FNTB: variants seen among roughly 807,000 people sequenced by gnomAD.
FNTB encodes protein farnesyltransferase subunit beta.
Under a neutral mutation model 59.4 loss-of-function variants are expected in FNTB, and 27 were observed. The observed-to-expected ratio is 0.45, with a 90% CI of 0.34 to 0.63. The LOEUF is 0.63. FNTB is among the 20% of genes least tolerant of loss of function. The pLI, the probability that FNTB is intolerant of heterozygous loss-of-function variation, is 0.02. For synonymous variants in FNTB, 230 were observed against 220.7 expected (o/e 1.04, Z -0.37); for missense variants, 449 against 559.6 (o/e 0.80, Z 1.99).
chr14:65,049,361 A>AT (rs905926101), intron 9 of FNTB, among the ~76,000 whole-genome samples: 21 of 152,198 alleles, frequency 1.4e-4, no homozygotes, highest in Admixed American at 1.1e-3. Flanking sequence ...AAGACTTTTG[A>AT]TTTTTTTAGA....
At chr14:65,015,165 C>T (rs1363695980) in intron 3 of FNTB, among the ~76,000 whole-genome samples, 2 of 150,910 alleles carry the variant, frequency 1.3e-5, no homozygotes, top group African/African-American at 2.4e-5. Context: ...TGCAGTGGTG[C>T]CATCTCGGCT....
At position 65,061,219 on chromosome 14, in the gene FNTB, G is replaced by C; in HGVS notation, c.1221G>C (p.Lys407Asn). The change falls in exon 12 of 12, where the codon AAG (lysine) becomes AAC (asparagine). Residue 407 changes from lysine (K) to asparagine (N), a missense_variant. Physicochemically the swap from Lys to Asn is moderately conservative, Grantham distance 94. Coordinates refer to ENST00000246166, the MANE Select transcript of FNTB (RefSeq NM_002028.4). ...THPVYNIGPDKVIQATTYFLQ... is the reference protein window; with the variant it reads ...THPVYNIGPDNVIQATTYFLQ... ...CAGTGTACAACATTGGACCAGACAA[G>C]GTGATCCAGGCCACTACATACTTTC... The C allele has an allele frequency of 6.2e-7, 1 of 1,614,150 alleles. No homozygotes were observed. The highest frequency in any genetic ancestry group is 8.5e-7 in the Non-Finnish European group (1 of 1,180,018).
intron 9 of FNTB, among the ~76,000 whole-genome samples, chr14:65,046,514 GC>G (rs2062482184): frequency 6.6e-6 from 1 of 152,220 alleles, no homozygotes; most frequent in Non-Finnish European, 1.5e-5. Flanking sequence ...GTTCTAGGGG[GC>G]TTAGTGGCAT....
chr14:65,021,559 G>A (rs1429139090), intron 4 of FNTB, among the ~76,000 whole-genome samples: 2 of 152,152 alleles, frequency 1.3e-5, no homozygotes, highest in African/African-American at 4.8e-5. Context: ...GGTCAGAGGT[G>A]CTGCTAAATA....
intron 4 of FNTB, chr14:65,021,929 A>G: frequency 2.2e-6 from 1 of 456,044 alleles, no homozygotes; most frequent in Non-Finnish European, 4.4e-6. Context: ...TATAGGCGTG[A>G]GCCACTGCGC....
At chr14:65,053,625 T>TAAAAAAAAAAAAAAAA (rs201558638) in intron 10 of FNTB, among the ~76,000 whole-genome samples, 1 of 146,302 alleles carries the variant, frequency 6.8e-6, no homozygotes, top group African/African-American at 2.7e-5. Context: ...CTTCTTTTTT[T>TAAAAAAAAAAAAAAAA]TAAAAAAAAC....
chr14:64,999,764 G>A (rs945051843), intron 1 of FNTB, among the ~76,000 whole-genome samples: 3 of 152,164 alleles, frequency 2.0e-5, no homozygotes, highest in African/African-American at 7.2e-5. Context: ...ATGAACAGCT[G>A]ACCTGTAATA....
At chr14:64,999,030 C>T (rs1465992014) in intron 1 of FNTB, among the ~76,000 whole-genome samples, 1 of 152,150 alleles carries the variant, frequency 6.6e-6, no homozygotes, top group African/African-American at 2.4e-5. Context: ...CATGCTACAG[C>T]ATAGATGAGC....
In FNTB at chr14:65,043,964, T is replaced by G. The variant is rs534138687; in HGVS notation, c.823-347T>G. ...GTAGTCTTGCCTTCAATTTCCAACT[T>G]AAGCCATGTTTATTAAGAGACTTTG... On this transcript the variant is annotated intron_variant, in intron 8 of 11. Transcript: ENST00000246166. Among the ~76,000 whole-genome samples the G allele has an allele frequency of 3.3e-5, 5 of 152,034 alleles. No individual in the cohort carries two copies. In the East Asian group the frequency reaches 9.7e-4, roughly 29 times the overall value.
In FNTB at chr14:65,009,392, T is replaced by A. The variant is rs2061650552; in HGVS notation, c.210-2925T>A. ...ATCCTTTTATTCGTCTCATGTAGAT[T>A]CCCTAACACACCCACCACCGTGGCC... On this transcript the variant is annotated intron_variant, in intron 2 of 11. Coordinates refer to ENST00000246166, the MANE Select transcript of FNTB (RefSeq NM_002028.4). This position sits in a 1 kb window ranked among gnomAD's most constrained non-coding sequence, Gnocchi z 4.2. Among the ~76,000 whole-genome samples, 5 of 152,094 alleles carry A rather than the reference T, an allele frequency of 3.3e-5. No homozygotes were observed. The highest frequency in any genetic ancestry group is 3.3e-4 in the Admixed American group (5 of 15,258).
At chr14:64,988,376 G>C (rs981982858) in intron 1 of FNTB, among the ~76,000 whole-genome samples, 1 of 151,148 alleles carries the variant, frequency 6.6e-6, no homozygotes, top group Non-Finnish European at 1.5e-5. Flanking sequence ...ATTCCTAAAT[G>C]ATGGATTGCT....
In FNTB at chr14:65,012,028, G is replaced by A. The variant is rs1267052801; in HGVS notation, c.210-289G>A. 1.5e-5 allele frequency: 5 copies of A among 338,464 alleles called. No individual in the cohort carries two copies. Among genetic ancestry groups the A allele is most frequent in the Non-Finnish European group, 2.3e-5 (4 of 174,682 alleles). The allele number at this position is 338,464 out of a possible 1,614,324, so 21.0% of individuals were successfully genotyped here. A position where few individuals can be genotyped will look rare whatever the true frequency, so the allele number is the denominator to read the frequency against. ...GGACTGTCATTGCCTGGCTGCGTGT[G>A]CTCATTGCGGCTTTTCCGTTAGCCC... is the stretch of plus-strand genomic sequence containing the variant. On this transcript the variant is annotated intron_variant, in intron 2 of 11. Coordinates refer to ENST00000246166, the MANE Select transcript of FNTB (RefSeq NM_002028.4). The surrounding 1 kb of genome is among the most constrained non-coding windows in gnomAD (Gnocchi z 5.0).
chr14:64,991,574 A>C lies in FNTB; in HGVS notation c.144+4477A>C, dbSNP rs1010190487. ...AGCCGAGATTGCACCATTGCACTCA[A>C]GCCTGGGTGACAGAGCAAGACTCCA... On this transcript the variant is annotated intron_variant, in intron 1 of 11. Coordinates refer to ENST00000246166, the MANE Select transcript of FNTB (RefSeq NM_002028.4). This position sits in a 1 kb window ranked among gnomAD's most constrained non-coding sequence, Gnocchi z 4.4. 1.4e-4 allele frequency among the ~76,000 whole-genome samples: 22 copies of C among 152,198 alleles called. No individual in the cohort carries two copies. The highest frequency in any genetic ancestry group is 3.3e-4 in the Admixed American group (5 of 15,282).
In FNTB at chr14:64,990,399, C is replaced by T. The variant is rs78034319; in HGVS notation, c.144+3302C>T. Among the ~76,000 whole-genome samples, 438 of 152,068 alleles carry T rather than the reference C, an allele frequency of 2.9e-3. 4 individuals are homozygous for T. Among genetic ancestry groups the T allele is most frequent in the Non-Finnish European group, 4.6e-3 (310 of 67,972 alleles). On this transcript the variant is annotated intron_variant, in intron 1 of 11. Coordinates refer to ENST00000246166, the MANE Select transcript of FNTB (RefSeq NM_002028.4). The surrounding 1 kb of genome is among the most constrained non-coding windows in gnomAD (Gnocchi z 5.2). Reference sequence around the variant, plus strand: ...GAAGAATGAGACCACTGTATTTCTTCCCTCCTGCAGGCTTGTGTGGGGTGG... The same window carrying T: ...GAAGAATGAGACCACTGTATTTCTTTCCTCCTGCAGGCTTGTGTGGGGTGG...
At chr14:65,015,496 T>G in intron 3 of FNTB, 129 bp from the exon 4 acceptor site, 6 of 617,408 alleles carry the variant, frequency 9.7e-6, no homozygotes, top group Admixed American at 3.0e-5. Flanking sequence ...TATTCACTGA[T>G]TGTTGTTTGA....
intron 11 of FNTB, among the ~76,000 whole-genome samples, chr14:65,055,172 T>C (rs1286855729): frequency 6.6e-6 from 1 of 150,886 alleles, no homozygotes; most frequent in Non-Finnish European, 1.5e-5. Context: ...AGTACTTTAC[T>C]CAGTTGGTGG....
chr14:65,055,982 C>A (rs1286754604), intron 11 of FNTB, among the ~76,000 whole-genome samples: 1 of 152,104 alleles, frequency 6.6e-6, no homozygotes, highest in Non-Finnish European at 1.5e-5. Flanking sequence ...TAGCCCTCTT[C>A]CAGTTTTTTT....
At chr14:65,043,695 G>A (rs11158571) in intron 8 of FNTB, among the ~76,000 whole-genome samples, 76 of 151,300 alleles carry the variant, frequency 5.0e-4, no homozygotes, top group Non-Finnish European at 7.8e-4. Flanking sequence ...GGTGGCGGGC[G>A]CCTGTGGTCC....
chr14:65,032,469 G>A lies in FNTB; in HGVS notation c.606-141G>A, dbSNP rs1234862236. The A allele has an allele frequency of 5.4e-5, 41 of 756,278 alleles. No individual in the cohort carries two copies. In the Middle Eastern group the frequency reaches 1.1e-3, roughly 20 times the overall value. The allele number at this position is 756,278 out of a possible 1,614,324, so 46.8% of individuals were successfully genotyped here. A position where few individuals can be genotyped will look rare whatever the true frequency, so the allele number is the denominator to read the frequency against. ...TCACACCTCTCAGTTGGAGACCCAGGAGGACTGACCGTGTGCCAAGAGTGA... is the reference window on the plus strand; with the variant it reads ...TCACACCTCTCAGTTGGAGACCCAGAAGGACTGACCGTGTGCCAAGAGTGA... On this transcript the variant is annotated intron_variant, in intron 6 of 11. Transcript: ENST00000246166. The surrounding 1 kb of genome is among the most constrained non-coding windows in gnomAD (Gnocchi z 5.0).
Sources: gnomAD v4.1 joint callset for allele counts (sites outside exome capture counted in the v4.1 genomes callset) on GRCh38, gnomAD v4.1.1 for gene constraint, Gnocchi (gnomAD v3.1) non-coding constraint, MANE v1.5 for transcripts, NCBI Gene and HGNC (gene_info 2026-07-23, HGNC 2026-07-21) for gene names.